Variants in PCDH7 observed in about 807,000 individuals in gnomAD.
PCDH7 encodes protocadherin 7.
A neutral mutation model predicts 58.9 loss-of-function variants in PCDH7; 17 were observed. That is an observed-to-expected ratio of 0.29 (90% CI 0.20 to 0.43). The LOEUF is 0.43. Ranked by LOEUF, PCDH7 falls within the 20% of genes least tolerant of loss-of-function variation. The pLI is 1.00. For missense variants in PCDH7, 1,274 were observed against 1,441.0 expected (o/e 0.88, Z 1.88); for synonymous variants, 664 against 616.4 (o/e 1.08, Z -1.14).
At chr4:31,142,034 T>C (rs1317692518) in intron 3 of PCDH7, among the ~76,000 whole-genome samples, 2 of 152,154 alleles carry the variant, frequency 1.3e-5, no homozygotes, top group East Asian at 3.9e-4. Flanking sequence ...CAGGAAGAAA[T>C]CCAATTGGCA....
intron 3 of PCDH7, among the ~76,000 whole-genome samples, chr4:30,988,037 T>G (rs1449383741): frequency 6.6e-6 from 1 of 152,170 alleles, no homozygotes. Flanking sequence ...CAGATTTGCA[T>G]CTGTGAAAAC....
chr4:31,070,461 G>A (rs961878901), intron 3 of PCDH7, among the ~76,000 whole-genome samples: 2 of 152,172 alleles, frequency 1.3e-5, no homozygotes, highest in African/African-American at 4.8e-5. Flanking sequence ...TACTCCATTA[G>A]TAAAAGGGAG....
intron 2 of PCDH7, among the ~76,000 whole-genome samples, chr4:30,927,592 C>T (rs1453115759): frequency 6.6e-6 from 1 of 151,958 alleles, no homozygotes; most frequent in Non-Finnish European, 1.5e-5. Context: ...TGTGCTGTGC[C>T]CACTCAGGGT....
chr4:31,022,461 G>A (rs1332082413), intron 3 of PCDH7, among the ~76,000 whole-genome samples: 1 of 152,126 alleles, frequency 6.6e-6, no homozygotes, highest in Non-Finnish European at 1.5e-5. Context: ...ATTTTCTGAA[G>A]CTTGGTGGGA....
intron 1 of PCDH7, among the ~76,000 whole-genome samples, chr4:30,756,301 A>G (rs1403292328): frequency 1.3e-5 from 2 of 151,854 alleles, no homozygotes; most frequent in African/African-American, 4.8e-5. Context: ...TGACCCAGAC[A>G]CCTCCCACTA....
intron 1 of PCDH7, among the ~76,000 whole-genome samples, chr4:30,869,819 A>C (rs572282068): frequency 6.6e-6 from 1 of 152,296 alleles, no homozygotes; most frequent in Non-Finnish European, 1.5e-5. Context: ...TTGCTGGGTC[A>C]AACAGTAGTT....
chr4:31,067,684 T>C (rs1171834741), intron 3 of PCDH7, among the ~76,000 whole-genome samples: 1 of 151,994 alleles, frequency 6.6e-6, no homozygotes, highest in Non-Finnish European at 1.5e-5. Flanking sequence ...TAGGCTTCCA[T>C]TATATTACCA....
intron 3 of PCDH7, among the ~76,000 whole-genome samples, chr4:30,993,823 T>G (rs961471656): frequency 2.6e-5 from 4 of 152,128 alleles, no homozygotes; most frequent in Admixed American, 2.0e-4. Flanking sequence ...TATATGAAGA[T>G]TGTAATGAAT....
chr4:30,906,598 T>C (rs1740962687), intron 1 of PCDH7, among the ~76,000 whole-genome samples: 1 of 152,182 alleles, frequency 6.6e-6, no homozygotes, highest in Non-Finnish European at 1.5e-5. Flanking sequence ...TTAATACAAT[T>C]GAAGAACTAT....
At chr4:30,833,088 G>A (rs1730005139) in intron 1 of PCDH7, among the ~76,000 whole-genome samples, 1 of 152,116 alleles carries the variant, frequency 6.6e-6, no homozygotes, top group Admixed American at 6.6e-5. Flanking sequence ...TTCAATGCTG[G>A]AGGGCTTATT....
chr4:30,811,961 G>T (rs1330399932), intron 1 of PCDH7, among the ~76,000 whole-genome samples: 1 of 152,154 alleles, frequency 6.6e-6, no homozygotes, highest in Non-Finnish European at 1.5e-5. Flanking sequence ...GAAAGTATAG[G>T]ATGAGTTAAT....
At chr4:31,129,530 A>T (rs1304663321) in intron 3 of PCDH7, among the ~76,000 whole-genome samples, 1 of 152,190 alleles carries the variant, frequency 6.6e-6, no homozygotes, top group African/African-American at 2.4e-5. Context: ...TTTGTGATTT[A>T]TACTGAAGTT....
intron 3 of PCDH7, among the ~76,000 whole-genome samples, chr4:31,123,099 T>C (rs1408007669): frequency 6.6e-6 from 1 of 152,128 alleles, no homozygotes; most frequent in Non-Finnish European, 1.5e-5. Context: ...CACTAAAATG[T>C]ACCTTTTTAA....
intron 1 of PCDH7, among the ~76,000 whole-genome samples, chr4:30,825,724 T>C (rs916296554): frequency 6.6e-6 from 1 of 152,156 alleles, no homozygotes; most frequent in Non-Finnish European, 1.5e-5. Context: ...GTTTAAGTGC[T>C]TAAGTTCTTG....
chr4:30,959,923 A>C (rs1216280275), intron 3 of PCDH7, among the ~76,000 whole-genome samples: 1 of 152,080 alleles, frequency 6.6e-6, no homozygotes, highest in Non-Finnish European at 1.5e-5. Flanking sequence ...AGCGTCTGGG[A>C]GAGCCAAGCA....
At position 30,721,290 on chromosome 4, in the gene PCDH7, T is replaced by TC. The variant is rs1340050758; in HGVS notation, c.-129dup. ...CTCCACGCCGCTTTTGCCCCCTCCC[T>TC]CCCCTCCCTCTCGCTCCTTCCTTTC... On this transcript the variant is annotated 5_prime_UTR_variant, in exon 1 of 2. Transcript: ENST00000361762. The surrounding 1 kb of genome is among the most constrained non-coding windows in gnomAD (Gnocchi z 6.7). The TC allele has an allele frequency of 2.2e-6, 2 of 912,100 alleles. No individual in the cohort carries two copies. The highest frequency in any genetic ancestry group is 3.1e-6 in the Non-Finnish European group (2 of 636,054). The allele number at this position is 912,100 out of a possible 1,614,324, so 56.5% of individuals were successfully genotyped here. A position where few individuals can be genotyped will look rare whatever the true frequency, so the allele number is the denominator to read the frequency against.
chr4:30,743,078 C>T (rs1418117821), intron 1 of PCDH7, among the ~76,000 whole-genome samples: 1 of 151,816 alleles, frequency 6.6e-6, no homozygotes. Flanking sequence ...AATATAATAT[C>T]GATTACATGT....
intron 1 of PCDH7, among the ~76,000 whole-genome samples, chr4:30,807,853 T>A: frequency 6.6e-6 from 1 of 152,192 alleles, no homozygotes; most frequent in Non-Finnish European, 1.5e-5. Context: ...ATTTCATAAA[T>A]TCTAAACTGA....
intron 3 of PCDH7, among the ~76,000 whole-genome samples, chr4:31,088,092 G>A (rs373167686): frequency 5.8e-4 from 88 of 152,106 alleles, no homozygotes; most frequent in African/African-American, 2.1e-3. Context: ...CCTTTCTCCA[G>A]ATTCTGTTTC....
Sources: gnomAD v4.1 joint callset for allele counts (sites outside exome capture counted in the v4.1 genomes callset) on GRCh38, gnomAD v4.1.1 for gene constraint, Gnocchi (gnomAD v3.1) non-coding constraint, MANE v1.5 for transcripts, NCBI Gene and HGNC (gene_info 2026-07-23, HGNC 2026-07-21) for gene names.